RASA1: variants seen among roughly 807,000 people sequenced by gnomAD.
The protein encoded by RASA1 is RAS p21 protein activator 1.
In RASA1, 25 loss-of-function variants were observed where a neutral mutation model predicts 132.2. That is an observed-to-expected ratio of 0.19 (90% CI 0.14 to 0.26). The LOEUF (loss-of-function observed/expected upper bound fraction) is 0.26, where lower values mean the gene tolerates loss of function less well. Ranked by LOEUF, RASA1 falls within the 10% of genes least tolerant of loss-of-function variation. RASA1 has a pLI of 1.00. For synonymous variants in RASA1, 477 were observed against 449.9 expected, an observed-to-expected ratio of 1.06 and a Z score of -0.76; for missense variants, 964 against 1,299.2, an observed-to-expected ratio of 0.74 and a Z score of 3.97.
intron 1 of RASA1, among the ~76,000 whole-genome samples, chr5:87,286,971 A>G (rs1214771871): frequency 4.0e-5 from 6 of 148,182 alleles, no homozygotes; most frequent in Non-Finnish European, 7.5e-5. Flanking sequence ...TATATACACC[A>G]TATATATACC....
intron 2 of RASA1, among the ~76,000 whole-genome samples, chr5:87,332,061 G>T (rs1431353940): frequency 6.6e-6 from 1 of 151,966 alleles, no homozygotes; most frequent in East Asian, 1.9e-4. Flanking sequence ...TGTACCCTTG[G>T]TTTTTAGATT....
chr5:87,374,792 T>A (rs1278728769), intron 14 of RASA1, 48 bp from the exon 15 acceptor site: 1 of 1,602,766 alleles, frequency 6.2e-7, no homozygotes, highest in South Asian at 1.1e-5. Flanking sequence ...AATAAGGTAG[T>A]TTGATGCCAA....
At chr5:87,319,250 G>A (rs1756590934) in intron 1 of RASA1, among the ~76,000 whole-genome samples, 1 of 152,206 alleles carries the variant, frequency 6.6e-6, no homozygotes, top group African/African-American at 2.4e-5. Flanking sequence ...ACCCTTGTGG[G>A]GTCTGGAGGA....
chr5:87,331,335 G>GTT lies in RASA1; in HGVS notation c.540-9_540-8dup. On this transcript the variant is annotated splice_polypyrimidine_tract_variant and intron_variant, in intron 1 of 24. Coordinates refer to ENST00000274376, the MANE Select transcript of RASA1 (RefSeq NM_002890.3). ...CTATTTATATTGTAATATCTTCTCT[G>GTT]TTTTTCCCCTAGGTGGTATCACGGA... 1 of 1,589,476 alleles carries GTT rather than the reference G, an allele frequency of 6.3e-7. No homozygotes were observed. The highest frequency in any genetic ancestry group is 8.6e-7 in the Non-Finnish European group (1 of 1,157,864).
chr5:87,290,070 T>C (rs913391804), intron 1 of RASA1, among the ~76,000 whole-genome samples: 1 of 152,230 alleles, frequency 6.6e-6, no homozygotes, highest in African/African-American at 2.4e-5. Context: ...ATCTTGACTT[T>C]TGCTATTTAA....
At chr5:87,340,244 A>T (rs1758340408) in intron 5 of RASA1, among the ~76,000 whole-genome samples, 1 of 151,968 alleles carries the variant, frequency 6.6e-6, no homozygotes. Context: ...TTCACAGAGG[A>T]TTTATGCCTT....
At chr5:87,373,193 T>C (rs551294754) in intron 13 of RASA1, among the ~76,000 whole-genome samples, 2 of 152,316 alleles carry the variant, frequency 1.3e-5, no homozygotes, top group South Asian at 2.1e-4. Flanking sequence ...TTACATATAC[T>C]GTCAGCCCTT....
In RASA1 at chr5:87,379,775, C is replaced by T. The variant is rs184201084; in HGVS notation, c.2528C>T (p.Thr843Ile). The stretch of plus-strand genomic sequence containing the variant: ...TTAGAAAAAAATGAAGATGTGAACA[C>T]TAATTTAACACACCTATTGAACATA... ...SKLEKNEDVN[T>I]NLTHLLNILS... Residue 843 changes from threonine to isoleucine, a missense_variant, in exon 19 of 25, where the codon ACT (threonine) becomes ATT (isoleucine). This residue lies in a region of RASA1 where 346 missense variants were observed against 520.1 expected (regional missense o/e 0.67). Coordinates refer to ENST00000274376, the MANE Select transcript of RASA1 (RefSeq NM_002890.3). The T allele has an allele frequency of 6.2e-7, 1 of 1,612,566 alleles. No individual in the cohort carries two copies. The highest frequency in any genetic ancestry group is 1.3e-5 in the African/African-American group (1 of 74,854).
intron 20 of RASA1, among the ~76,000 whole-genome samples, chr5:87,382,038 G>A (rs556824623): frequency 7.9e-5 from 12 of 152,150 alleles, no homozygotes; most frequent in Admixed American, 4.6e-4. Flanking sequence ...TGCAACCCCC[G>A]CCTCCCAGGT....
chr5:87,373,675 G>T (rs959134597), intron 13 of RASA1, among the ~76,000 whole-genome samples: 26 of 152,052 alleles, frequency 1.7e-4, no homozygotes, highest in African/African-American at 6.0e-4. Flanking sequence ...GTTTCTTTAG[G>T]TTTGTATCCT....
intron 7 of RASA1, among the ~76,000 whole-genome samples, chr5:87,348,691 C>T (rs1759039924): frequency 6.6e-6 from 1 of 150,740 alleles, no homozygotes; most frequent in South Asian, 2.1e-4. Context: ...AGGCTGGTAT[C>T]AAACTCCTGG....
At chr5:87,389,340 C>CAAA in intron 23 of RASA1, 53 bp from the exon 24 acceptor site, 1 of 1,581,146 alleles carries the variant, frequency 6.3e-7, no homozygotes, top group African/African-American at 1.4e-5. Flanking sequence ...TCAAAAAAAA[C>CAAA]AAAAAAAAAG....
At chr5:87,356,875 C>G (rs1370262020) in intron 9 of RASA1, among the ~76,000 whole-genome samples, 1 of 152,096 alleles carries the variant, frequency 6.6e-6, no homozygotes, top group Non-Finnish European at 1.5e-5. Context: ...CTATATTTTC[C>G]TTCATTCCCG....
At chr5:87,292,786 A>G (rs1754964786) in intron 1 of RASA1, among the ~76,000 whole-genome samples, 1 of 152,178 alleles carries the variant, frequency 6.6e-6, no homozygotes, top group Admixed American at 6.5e-5. Flanking sequence ...AACTTGGAGT[A>G]TCTCTGCATT....
At chr5:87,309,005 A>G (rs1023063847) in intron 1 of RASA1, among the ~76,000 whole-genome samples, 3 of 152,166 alleles carry the variant, frequency 2.0e-5, no homozygotes, top group Non-Finnish European at 4.4e-5. Flanking sequence ...TAGGCAATGT[A>G]TATTTTCACA....
intron 1 of RASA1, among the ~76,000 whole-genome samples, chr5:87,297,735 T>G (rs1224948732): frequency 6.6e-6 from 1 of 152,180 alleles, no homozygotes; most frequent in Non-Finnish European, 1.5e-5. Flanking sequence ...ACAAAGGGAT[T>G]TTTCTCTGAT....
At chr5:87,375,240 T>G (rs1426584748) in intron 15 of RASA1, among the ~76,000 whole-genome samples, 3 of 152,050 alleles carry the variant, frequency 2.0e-5, no homozygotes, top group African/African-American at 7.2e-5. Flanking sequence ...ATCCCTTCTT[T>G]CTACTTTTTA....
intron 9 of RASA1, among the ~76,000 whole-genome samples, chr5:87,359,346 T>C (rs1759897951): frequency 6.6e-6 from 1 of 152,180 alleles, no homozygotes; most frequent in African/African-American, 2.4e-5. Context: ...GAACTATCTC[T>C]CAGGCTGAGA....
intron 1 of RASA1, among the ~76,000 whole-genome samples, chr5:87,290,883 A>G (rs1372152442): frequency 6.6e-6 from 1 of 152,134 alleles, no homozygotes; most frequent in Non-Finnish European, 1.5e-5. Context: ...TGGTTTGTGG[A>G]TTTTGGCAAT....
Sources: gnomAD v4.1 joint callset for allele counts (sites outside exome capture counted in the v4.1 genomes callset) on GRCh38, gnomAD v4.1.1 for gene constraint, gnomAD v4.1.1 regional missense constraint, MANE v1.5 for transcripts, NCBI Gene and HGNC (gene_info 2026-07-23, HGNC 2026-07-21) for gene names.